Variants in NREP observed in about 807,000 individuals in gnomAD.
NREP encodes neuronal regeneration related protein, also known as neuronal regeneration-related protein.
NREP carries 5 observed loss-of-function variants against 8.6 expected under a neutral mutation model. That is an observed-to-expected ratio of 0.58 (90% CI 0.30 to 1.22). The LOEUF is 1.22. Among genes scored for constraint, NREP ranks in the 50% most tolerant of loss-of-function variants. The pLI is 0.07. For synonymous variants in NREP, 27 were observed against 28.0 expected (o/e 0.96, Z 0.11); for missense variants, 86 against 82.5 (o/e 1.04, Z -0.17).
At chr5:111,763,452 T>C (rs1158680649) in intron 2 of NREP, among the ~76,000 whole-genome samples, 2 of 152,198 alleles carry the variant, frequency 1.3e-5, no homozygotes, top group Non-Finnish European at 2.9e-5. Context: ...AATCTTGTAT[T>C]TTACTCAACA....
intron 2 of NREP, among the ~76,000 whole-genome samples, chr5:111,799,994 A>C (rs1167851565): frequency 6.6e-6 from 1 of 151,876 alleles, no homozygotes; most frequent in Non-Finnish European, 1.5e-5. Flanking sequence ...ATCTCAGCTC[A>C]CCGCAACCTC....
At chr5:111,783,124 C>A (rs1158949663) in intron 2 of NREP, among the ~76,000 whole-genome samples, 3 of 152,040 alleles carry the variant, frequency 2.0e-5, no homozygotes, top group Admixed American at 6.6e-5. Context: ...AAAGAAGCAA[C>A]CCTCCAGACT....
intron 2 of NREP, among the ~76,000 whole-genome samples, chr5:111,786,854 C>T (rs1196598986): frequency 6.6e-6 from 1 of 152,106 alleles, no homozygotes; most frequent in African/African-American, 2.4e-5. Context: ...TGTACAACAA[C>T]AGTAAAGAAG....
upstream of NREP, chr5:111,757,899 C>T (rs901153317): frequency 4.1e-6 from 4 of 984,896 alleles, no homozygotes; most frequent in Middle Eastern, 5.2e-4. Context: ...GGCGGCCCGC[C>T]AGGGCCGTGG....
chr5:111,880,603 C>T (rs1754030689), intron 2 of NREP, among the ~76,000 whole-genome samples: 1 of 152,106 alleles, frequency 6.6e-6, no homozygotes, highest in African/African-American at 2.4e-5. Context: ...ATCATAAAGA[C>T]TTCAACTAAA....
At chr5:111,902,494 T>G (rs142576048) in intron 2 of NREP, among the ~76,000 whole-genome samples, 13 of 152,254 alleles carry the variant, frequency 8.5e-5, no homozygotes, top group African/African-American at 3.1e-4. Context: ...TTTACAGATA[T>G]GATCCTGAAG....
intron 2 of NREP, among the ~76,000 whole-genome samples, chr5:111,956,305 A>G (rs922598787): frequency 6.6e-6 from 1 of 152,166 alleles, no homozygotes; most frequent in Admixed American, 6.5e-5. Flanking sequence ...AGAAATAACA[A>G]AACAATAAGG....
intron 2 of NREP, among the ~76,000 whole-genome samples, chr5:111,866,968 G>T (rs1375133093): frequency 1.3e-5 from 2 of 151,660 alleles, no homozygotes; most frequent in Non-Finnish European, 2.9e-5. Flanking sequence ...ACACAGGAAG[G>T]GGAACATCAC....
At chr5:111,947,957 C>A (rs915433042) in intron 2 of NREP, among the ~76,000 whole-genome samples, 18 of 152,060 alleles carry the variant, frequency 1.2e-4, no homozygotes, top group African/African-American at 4.1e-4. Context: ...ATATTCTACA[C>A]CTGTAAACCT....
At chr5:111,917,549 T>C (rs990684236) in intron 2 of NREP, among the ~76,000 whole-genome samples, 3 of 152,148 alleles carry the variant, frequency 2.0e-5, no homozygotes, top group Admixed American at 1.3e-4. Flanking sequence ...GCAAGTCTTA[T>C]TCAACACACA....
intron 2 of NREP, among the ~76,000 whole-genome samples, chr5:111,843,757 GGT>G (rs1753089949): frequency 6.6e-6 from 1 of 152,152 alleles, no homozygotes; most frequent in Non-Finnish European, 1.5e-5. Context: ...AGTGTTGGAA[GGT>G]GGGGTCTACA....
chr5:111,892,097 GA>G (rs1480702652), intron 2 of NREP, among the ~76,000 whole-genome samples: 1 of 151,942 alleles, frequency 6.6e-6, no homozygotes, highest in Admixed American at 6.6e-5. Context: ...GAAAAGGAAT[GA>G]AAAAACACAC....
chr5:111,973,694 C>A (rs998894861), intron 2 of NREP, among the ~76,000 whole-genome samples: 1 of 152,156 alleles, frequency 6.6e-6, no homozygotes, highest in African/African-American at 2.4e-5. Flanking sequence ...CCTTGGTATT[C>A]TGACTTATGG....
intron 2 of NREP, among the ~76,000 whole-genome samples, chr5:111,750,846 G>A (rs541859887): frequency 6.6e-6 from 1 of 152,272 alleles, no homozygotes; most frequent in South Asian, 2.1e-4. Flanking sequence ...GCCGGAGTGT[G>A]GCTCTGGAAG....
At chr5:111,862,484 C>T (rs1753571249) in intron 2 of NREP, among the ~76,000 whole-genome samples, 1 of 152,076 alleles carries the variant, frequency 6.6e-6, no homozygotes, top group Non-Finnish European at 1.5e-5. Flanking sequence ...AGAGCTCTTT[C>T]CCTCAAGGCA....
intron 2 of NREP, among the ~76,000 whole-genome samples, chr5:111,824,274 C>A (rs1455432700): frequency 1.3e-5 from 2 of 152,156 alleles, no homozygotes; most frequent in African/African-American, 2.4e-5. Flanking sequence ...GAGGCTGAGG[C>A]AGGAGAACGG....
chr5:111,776,282 T>C (rs1399368094), intron 2 of NREP, among the ~76,000 whole-genome samples: 1 of 152,196 alleles, frequency 6.6e-6, no homozygotes, highest in African/African-American at 2.4e-5. Context: ...AAGCAAATGT[T>C]TGAAAATAAC....
At chr5:111,954,923 G>A (rs1383500566) in intron 2 of NREP, among the ~76,000 whole-genome samples, 1 of 152,158 alleles carries the variant, frequency 6.6e-6, no homozygotes, top group Non-Finnish European at 1.5e-5. Flanking sequence ...ACTCATTGCT[G>A]GCTGCCAAGG....
chr5:111,894,705 A>T (rs542464972), intron 2 of NREP, among the ~76,000 whole-genome samples: 2 of 152,274 alleles, frequency 1.3e-5, no homozygotes, highest in East Asian at 3.9e-4. Context: ...GCCCGCATGA[A>T]TTTTACTTAC....
Sources: allele counts gnomAD v4.1 joint callset (sites outside exome capture counted in the v4.1 genomes callset), GRCh38; gene constraint gnomAD v4.1.1; transcripts MANE v1.5; gene names NCBI Gene and HGNC (gene_info 2026-07-23, HGNC 2026-07-21).